MTMR12: variants seen among roughly 807,000 people sequenced by gnomAD.
MTMR12 encodes the protein myotubularin related protein 12.
MTMR12 carries 33 observed loss-of-function variants against 96.7 expected under a neutral mutation model. The ratio of observed to expected loss-of-function variants is 0.34; its 90% confidence interval spans 0.26 to 0.46. The LOEUF is 0.46. MTMR12 is among the 20% of genes least tolerant of loss of function. The pLI, the probability that MTMR12 is intolerant of heterozygous loss-of-function variation, is 1.00. For missense variants in MTMR12, 721 were observed against 896.1 expected (o/e 0.80, Z 2.49); for synonymous variants, 298 against 327.2 (o/e 0.91, Z 0.96).
Position 32,258,589 on chromosome 5 carries a change from C to T in MTMR12, c.714-2821G>A, listed in dbSNP as rs538953537. On this transcript the variant is annotated intron_variant, in intron 7 of 15. Transcript: ENST00000382142. Reference sequence around the variant, plus strand: ...GAAGCTGATGAGGACTGCAGACGCTCTAGCCTCCCCCAACCTACTGAGTCA... The same window carrying T: ...GAAGCTGATGAGGACTGCAGACGCTTTAGCCTCCCCCAACCTACTGAGTCA... Among the ~76,000 whole-genome samples, 8 of 152,318 alleles carry T rather than the reference C, an allele frequency of 5.3e-5. No individual in the cohort carries two copies. The South Asian group carries it at 1.4e-3, about 28-fold the overall frequency.
chr5:32,303,563 C>T lies in MTMR12; in HGVS notation c.81+9195G>A, dbSNP rs557180300. The stretch of plus-strand genomic sequence containing the variant: ...TGATTCATTTTGAAAGCTTAGAAGA[C>T]GTTTACATAGCACTCATCCATCATA... On this transcript the variant is annotated intron_variant, in intron 1 of 15. Coordinates refer to ENST00000382142, the MANE Select transcript of MTMR12 (RefSeq NM_001040446.3). Among the ~76,000 whole-genome samples, 35 of 152,240 alleles carry T rather than the reference C, an allele frequency of 2.3e-4. 1 individual carries two copies. Among genetic ancestry groups the T allele is most frequent in the South Asian group, 8.3e-4 (4 of 4,828 alleles).
At chr5:32,258,640 C>A (rs1749232427) in intron 7 of MTMR12, among the ~76,000 whole-genome samples, 1 of 152,140 alleles carries the variant, frequency 6.6e-6, no homozygotes, top group Non-Finnish European at 1.5e-5. Context: ...ACAAGAGCCT[C>A]CAGCGATTAG....
At chr5:32,307,955 C>A (rs1430201785) in intron 1 of MTMR12, among the ~76,000 whole-genome samples, 4 of 152,196 alleles carry the variant, frequency 2.6e-5, no homozygotes, top group Non-Finnish European at 5.9e-5. Flanking sequence ...GTTGTTCTGG[C>A]AGCTCAGTCA....
rs76306002 is a variant in MTMR12 at position 32,279,713 on chromosome 5, G to A, written c.82-2971C>T. ...GTTTCACGGAAGACAATTTTTCCAC[G>A]GACCTGGCAGGGGGGCAGGGGATGA... is the stretch of plus-strand genomic sequence containing the variant. On this transcript the variant is annotated intron_variant, in intron 1 of 15. Transcript: ENST00000382142. 4.4e-3 allele frequency among the ~76,000 whole-genome samples: 674 copies of A among 152,312 alleles called. 11 individuals carry two copies. The highest frequency in any genetic ancestry group is 0.016 in the African/African-American group (654 of 41,570).
intron 7 of MTMR12, among the ~76,000 whole-genome samples, chr5:32,260,401 G>A (rs1749319221): frequency 6.6e-6 from 1 of 151,754 alleles, no homozygotes. Flanking sequence ...GTGGTCTGGA[G>A]TGAAACAAAC....
rs759339968 is a variant in MTMR12 at position 32,239,099 on chromosome 5, T to C, written c.1246A>G (p.Arg416Gly). The C allele has an allele frequency of 2.2e-5, 35 of 1,610,218 alleles. 2 individuals carry two copies. The South Asian group carries it at 3.6e-4, about 16-fold the overall frequency. Residue 416 changes from arginine (R) to glycine (G), a missense_variant, in exon 13 of 16, where the codon AGA (arginine) becomes GGA (glycine). Coordinates refer to ENST00000382142, the MANE Select transcript of MTMR12 (RefSeq NM_001040446.3). ...QLMMDPHCRTRIGFQSLIQKE... is the reference protein window; with the variant it reads ...QLMMDPHCRTGIGFQSLIQKE... The stretch of plus-strand genomic sequence containing the variant: ...TGGATGAGGCTCTGGAAACCAATTC[T>C]GGTTCTGCAGTGGGGGTCCATCATC...
At chr5:32,269,557 G>A (rs1048170789) in intron 5 of MTMR12, among the ~76,000 whole-genome samples, 5 of 151,832 alleles carry the variant, frequency 3.3e-5, no homozygotes, top group Non-Finnish European at 7.4e-5. Flanking sequence ...CACCCACCTC[G>A]GCCTCCCAAA....
intron 1 of MTMR12, among the ~76,000 whole-genome samples, chr5:32,309,277 G>T (rs1751486020): frequency 6.6e-6 from 1 of 152,146 alleles, no homozygotes; most frequent in Admixed American, 6.6e-5. Flanking sequence ...AAAGTTTAAA[G>T]ATCAGTTGCA....
rs1269602863 is a variant in MTMR12, at chr5:32,228,617, G to GATAT, written c.*1157_*1160dup. The GATAT allele has an allele frequency of 2.3e-4, 20 of 87,346 alleles. No homozygotes were observed. Among genetic ancestry groups the GATAT allele is most frequent in the African/African-American group, 5.2e-4 (14 of 26,936 alleles). The allele number at this position is 87,346 out of a possible 1,614,324, so 5.4% of individuals were successfully genotyped here. A position where few individuals can be genotyped will look rare whatever the true frequency, so the allele number is the denominator to read the frequency against. ...ATATATATATATATATCATATATAT[G>GATAT]ATATATATATATCACATATATATCA... is the stretch of plus-strand genomic sequence containing the variant. On this transcript the variant is annotated 3_prime_UTR_variant, in exon 16 of 16. Coordinates refer to ENST00000382142, the MANE Select transcript of MTMR12 (RefSeq NM_001040446.3).
intron 12 of MTMR12, 61 bp downstream of exon 12, chr5:32,241,995 AC>A (rs1748493436): frequency 2.9e-6 from 4 of 1,378,664 alleles, no homozygotes; most frequent in South Asian, 1.2e-5. Context: ...AGCTACATAT[AC>A]AAAAATTGAA....
chr5:32,242,245 T>C (rs1329949422), intron 11 of MTMR12, 118 bp from the exon 12 acceptor site: 3 of 600,470 alleles, frequency 5.0e-6, no homozygotes, highest in Non-Finnish European at 8.2e-6. Flanking sequence ...TTTTTTTTTT[T>C]TCCACGCTAA....
At chr5:32,266,199 C>T (rs948642850) in intron 6 of MTMR12, among the ~76,000 whole-genome samples, 2 of 151,928 alleles carry the variant, frequency 1.3e-5, no homozygotes, top group African/African-American at 2.4e-5. Flanking sequence ...TATGACTTTA[C>T]GTTTTTGTTT....
chr5:32,274,553 C>T (rs1749975964), intron 2 of MTMR12, among the ~76,000 whole-genome samples: 1 of 152,172 alleles, frequency 6.6e-6, no homozygotes, highest in Non-Finnish European at 1.5e-5. Context: ...CCCAAGCCCA[C>T]TTTCCTGTGA....
intron 5 of MTMR12, among the ~76,000 whole-genome samples, chr5:32,269,469 A>T (rs1485215822): frequency 1.3e-5 from 2 of 149,018 alleles, no homozygotes; most frequent in Non-Finnish European, 3.0e-5. Context: ...ACGCCCGGCT[A>T]ATTTTTTGTA....
At chr5:32,270,745 G>A (rs558345365) in intron 5 of MTMR12, 72 bp downstream of exon 5, 90 of 1,502,390 alleles carry the variant, frequency 6.0e-5, no homozygotes, top group Non-Finnish European at 7.8e-5. Context: ...TTCATGCAAC[G>A]TAAGCAAAAA....
At chr5:32,242,208 T>A in intron 11 of MTMR12, 81 bp from the exon 12 acceptor site, 1 of 967,908 alleles carries the variant, frequency 1.0e-6, no homozygotes, top group Non-Finnish European at 1.5e-6. Flanking sequence ...AGAGAGAGTC[T>A]GACTTGATCT....
chr5:32,233,851 G>T lies in MTMR12; in HGVS notation c.1596C>A (p.Ala532=), dbSNP rs756071823. The change falls in exon 15 of 16, where the codon GCC becomes GCA. Residue 532 remains alanine (A), a synonymous_variant. Transcript: ENST00000382142. This position sits in a 1 kb window ranked among gnomAD's most constrained non-coding sequence, Gnocchi z 5.0. ...AAAGAGGGTTTTTGAGCAATGTCTGGGCTTTGGGTTCAAACTGCACCGACC... is the reference window on the plus strand; with the variant it reads ...AAAGAGGGTTTTTGAGCAATGTCTGTGCTTTGGGTTCAAACTGCACCGACC... The part of the protein sequence containing the change: ...WDWSVQFEPK[A]QTLLKNPLYV... 1 of 1,614,134 alleles carries T rather than the reference G, an allele frequency of 6.2e-7. No homozygotes were observed. Among genetic ancestry groups the T allele is most frequent in the South Asian group, 1.1e-5 (1 of 91,082 alleles).
At chr5:32,246,877 G>A (rs1748710483) in intron 10 of MTMR12, among the ~76,000 whole-genome samples, 1 of 152,138 alleles carries the variant, frequency 6.6e-6, no homozygotes, top group Non-Finnish European at 1.5e-5. Flanking sequence ...ACCAGATCCT[G>A]CTCAGGCATG....
intron 6 of MTMR12, among the ~76,000 whole-genome samples, chr5:32,267,990 T>A (rs1260543780): frequency 1.3e-5 from 2 of 152,036 alleles, no homozygotes; most frequent in African/African-American, 4.8e-5. Flanking sequence ...TGCGCCACCA[T>A]GCCCAGCTAA....
Sources: gnomAD v4.1 joint callset for allele counts (sites outside exome capture counted in the v4.1 genomes callset) on GRCh38, gnomAD v4.1.1 for gene constraint, Gnocchi (gnomAD v3.1) non-coding constraint, MANE v1.5 for transcripts, NCBI Gene and HGNC (gene_info 2026-07-23, HGNC 2026-07-21) for gene names.